CLCN1: variants seen among roughly 807,000 people sequenced by gnomAD.
CLCN1 encodes chloride channel protein 1.
Under a neutral mutation model 114.5 loss-of-function variants are expected in CLCN1, and 100 were observed. The ratio of observed to expected loss-of-function variants is 0.87; its 90% CI spans 0.74 to 1.03. CLCN1 has a LOEUF of 1.03. Ranked by LOEUF, CLCN1 falls within the 50% of genes least tolerant of loss-of-function variation. The probability of loss-of-function intolerance (pLI) is 0.00; values close to 1 mark genes in which losing one functional copy is unlikely to be tolerated. For synonymous variants in CLCN1, 485 were observed against 487.1 expected, an observed-to-expected ratio of 1.00 and a Z score of 0.06; for missense variants, 1,188 against 1,250.0, an observed-to-expected ratio of 0.95 and a Z score of 0.75.
intron 14 of CLCN1, among the ~76,000 whole-genome samples, chr7:143,340,295 C>A (rs1314302361): frequency 6.6e-6 from 1 of 152,178 alleles, no homozygotes; most frequent in Non-Finnish European, 1.5e-5. Context: ...TTTCTAAAAG[C>A]CTCTTTCATC....
In CLCN1 at chr7:143,350,434, C is replaced by T; in HGVS notation, c.2466C>T (p.Asp822=). The change falls in exon 21 of 23, where the codon GAC becomes GAT. Residue 822 remains aspartate (D), a synonymous_variant. Coordinates refer to ENST00000343257, the MANE Select transcript of CLCN1 (RefSeq NM_000083.3). This position sits in a 1 kb window ranked among gnomAD's most constrained non-coding sequence, Gnocchi z 5.1. ...TCTGTTTTGATTCCTGCTGTATTGA[C>T]CAGTCTCCCTTCCAGCTGGTGGAGC... The part of the protein sequence containing the change: ...QPVCFDSCCI[D]QSPFQLVEQT... 5 of 1,614,174 alleles carry T rather than the reference C, an allele frequency of 3.1e-6. No individual in the cohort carries two copies. The highest frequency in any genetic ancestry group is 3.4e-6 in the Non-Finnish European group (4 of 1,179,996).
chr7:143,344,007 A>G (rs1487128369), intron 16 of CLCN1, among the ~76,000 whole-genome samples: 2 of 151,874 alleles, frequency 1.3e-5, no homozygotes, highest in African/African-American at 2.4e-5. Flanking sequence ...TGCCCAGCTA[A>G]TTTTGTATTT....
At chr7:143,329,198 C>T (rs1420654519) in intron 7 of CLCN1, among the ~76,000 whole-genome samples, 4 of 152,160 alleles carry the variant, frequency 2.6e-5, no homozygotes, top group Non-Finnish European at 5.9e-5. Flanking sequence ...GAACTCCTGA[C>T]TTCATGATCC....
chr7:143,328,930 A>G (rs1328588093), intron 7 of CLCN1, among the ~76,000 whole-genome samples: 2 of 150,416 alleles, frequency 1.3e-5, no homozygotes, highest in Non-Finnish European at 2.9e-5. Flanking sequence ...TTCACCAGGC[A>G]CTGTACTAGG....
chr7:143,321,278 C>T lies in CLCN1; in HGVS notation c.434-87C>T. 1 of 1,514,008 alleles carries T rather than the reference C, an allele frequency of 6.6e-7. No individual in the cohort carries two copies. Among genetic ancestry groups the T allele is most frequent in the African/African-American group, 1.4e-5 (1 of 73,038 alleles). 93.8% of individuals were successfully genotyped at this position (1,514,008 alleles called of 1,614,324 possible). ...AAGGGGCACACAGAAGGAGCACGGC[C>T]TGAGAACATGCCGGGTACACGTCCT... On this transcript the variant is annotated intron_variant, in intron 3 of 22. Coordinates refer to ENST00000343257, the MANE Select transcript of CLCN1 (RefSeq NM_000083.3). This position sits in a 1 kb window ranked among gnomAD's most constrained non-coding sequence, Gnocchi z 4.2.
At position 143,321,911 on chromosome 7, in the gene CLCN1, C is replaced by G. The variant is rs1333431330; in HGVS notation, c.696+63C>G. 3 of 1,573,410 alleles carry G rather than the reference C, an allele frequency of 1.9e-6. No homozygotes were observed. The highest frequency in any genetic ancestry group is 2.7e-5 in the African/African-American group (2 of 74,066). ...CCCTCAGGAGCCAGGGTGGCACCAA[C>G]TCTAGAGGGAGCTCTGGGAGTGGAA... On this transcript the variant is annotated intron_variant, in intron 5 of 22. Coordinates refer to ENST00000343257, the MANE Select transcript of CLCN1 (RefSeq NM_000083.3). The surrounding 1 kb of genome is among the most constrained non-coding windows in gnomAD (Gnocchi z 4.2).
At chr7:143,345,388 T>C in intron 16 of CLCN1, 133 bp from the exon 17 acceptor site, 1 of 1,194,356 alleles carries the variant, frequency 8.4e-7, no homozygotes, top group Non-Finnish European at 1.1e-6. Flanking sequence ...TAAAATGAGT[T>C]TCCAGGAAGC....
chr7:143,335,940 G>A (rs189790560), intron 12 of CLCN1, among the ~76,000 whole-genome samples: 7 of 152,098 alleles, frequency 4.6e-5, no homozygotes, highest in South Asian at 2.1e-4. Context: ...GATTACAGGC[G>A]TGAGCCACCG....
intron 7 of CLCN1, among the ~76,000 whole-genome samples, chr7:143,328,667 A>G (rs749644232): frequency 2.0e-5 from 3 of 152,162 alleles, no homozygotes; most frequent in Non-Finnish European, 4.4e-5. Flanking sequence ...ATAGAAAAGG[A>G]GAGAGACTCA....
chr7:143,323,499 A>C (rs1407789100), intron 6 of CLCN1, 113 bp downstream of exon 6: 1 of 798,398 alleles, frequency 1.3e-6, no homozygotes, highest in Non-Finnish European at 2.3e-6. Flanking sequence ...GTGCTGAAGC[A>C]GCATCGCACT....
chr7:143,335,412 C>T (rs1348753827), intron 12 of CLCN1, among the ~76,000 whole-genome samples: 1 of 152,134 alleles, frequency 6.6e-6, no homozygotes. Context: ...ATAATATTTA[C>T]GAACATAAAA....
At chr7:143,326,504 C>A (rs1802579850) in intron 7 of CLCN1, among the ~76,000 whole-genome samples, 1 of 152,140 alleles carries the variant, frequency 6.6e-6, no homozygotes, top group African/African-American at 2.4e-5. Flanking sequence ...GCAGGCAAAC[C>A]TATTGTCATA....
chr7:143,336,082 C>T (rs1802878944), intron 12 of CLCN1, among the ~76,000 whole-genome samples: 1 of 152,070 alleles, frequency 6.6e-6, no homozygotes, highest in South Asian at 2.1e-4. Flanking sequence ...AATACCATTC[C>T]AAATTCTCAG....
At position 143,321,697 on chromosome 7, in the gene CLCN1, A is replaced by G; in HGVS notation, c.563-18A>G. ...CACCTTCACCTTGACCCTGCACATAATCTTTCAACGCTTTTAGGCTCTGGA... is the reference window on the plus strand; with the variant it reads ...CACCTTCACCTTGACCCTGCACATAGTCTTTCAACGCTTTTAGGCTCTGGA... On this transcript the variant is annotated intron_variant, in intron 4 of 22. Transcript: ENST00000343257. The surrounding 1 kb of genome is among the most constrained non-coding windows in gnomAD (Gnocchi z 4.2). The G allele has an allele frequency of 2.5e-6, 4 of 1,614,168 alleles. No individual in the cohort carries two copies. Among genetic ancestry groups the G allele is most frequent in the Non-Finnish European group, 3.4e-6 (4 of 1,180,006 alleles).
At chr7:143,320,557 C>A in intron 2 of CLCN1, 107 bp from the exon 3 acceptor site, 11 of 351,764 alleles carry the variant, frequency 3.1e-5, no homozygotes, top group Admixed American at 1.7e-4. Context: ...CTGCTTTTCT[C>A]TCTCTCTCTC....
At chr7:143,333,039 C>G (rs555092408) in intron 12 of CLCN1, among the ~76,000 whole-genome samples, 166 bp downstream of exon 12, 1 of 152,182 alleles carries the variant, frequency 6.6e-6, no homozygotes, top group Non-Finnish European at 1.5e-5. Flanking sequence ...TGGCTCACAC[C>G]TGTAATCCCA....
chr7:143,348,257 G>C (rs1408403095), intron 20 of CLCN1, among the ~76,000 whole-genome samples: 1 of 152,110 alleles, frequency 6.6e-6, no homozygotes, highest in Non-Finnish European at 1.5e-5. Flanking sequence ...AGAGGGAAAG[G>C]AAGAACTATT....
Position 143,321,574 on chromosome 7 carries a change from C to A in CLCN1, c.562+81C>A. The A allele has an allele frequency of 6.2e-7, 1 of 1,609,268 alleles. No individual in the cohort carries two copies. Among genetic ancestry groups the A allele is most frequent in the East Asian group, 2.2e-5 (1 of 44,856 alleles). On this transcript the variant is annotated intron_variant, in intron 4 of 22. Transcript: ENST00000343257. The surrounding 1 kb of genome is among the most constrained non-coding windows in gnomAD (Gnocchi z 4.2). ...CTGTCTCCCCCATCATCCAGCCCCA[C>A]CCACAGCCCTGTGCTGCCTTGCCCC...
intron 7 of CLCN1, among the ~76,000 whole-genome samples, chr7:143,325,256 G>A (rs1470478247): frequency 6.6e-6 from 1 of 152,206 alleles, no homozygotes. Context: ...GATATGTGAA[G>A]AAACAAAATT....
Sources: gnomAD v4.1 joint callset for allele counts (sites outside exome capture counted in the v4.1 genomes callset) on GRCh38, gnomAD v4.1.1 for gene constraint, Gnocchi (gnomAD v3.1) non-coding constraint, MANE v1.5 for transcripts, NCBI Gene and HGNC (gene_info 2026-07-23, HGNC 2026-07-21) for gene names.